PKD1L1: variants seen among roughly 807,000 people sequenced by gnomAD.
The protein encoded by PKD1L1 is polycystin-1-like protein 1.
PKD1L1 carries 236 observed loss-of-function variants against 323.4 expected under a neutral mutation model. The ratio of observed to expected loss-of-function variants is 0.73; its 90% CI spans 0.66 to 0.81. PKD1L1 has a LOEUF of 0.81. PKD1L1 is among the 40% of genes least tolerant of loss of function. PKD1L1 has a pLI of 0.00. For synonymous variants in PKD1L1, 1,344 were observed against 1,335.0 expected, an observed-to-expected ratio of 1.01 and a Z score of -0.15; for missense variants, 3,320 against 3,508.0, an observed-to-expected ratio of 0.95 and a Z score of 1.35.
intron 44 of PKD1L1, among the ~76,000 whole-genome samples, 193 bp from the exon 45 acceptor site, chr7:47,827,661 C>T (rs1269798779): frequency 2.6e-5 from 4 of 152,034 alleles, no homozygotes. Flanking sequence ...GGGGGTAGAC[C>T]CATTTTTAAA....
At chr7:47,830,494 G>T (rs916503022) in intron 42 of PKD1L1, among the ~76,000 whole-genome samples, 2 of 152,212 alleles carry the variant, frequency 1.3e-5, no homozygotes, top group Admixed American at 1.3e-4. Flanking sequence ...GGGCAGGCAT[G>T]ATGCTAACAG....
chr7:47,943,180 A>C (rs1364420932), intron 2 of PKD1L1, among the ~76,000 whole-genome samples: 3 of 99,996 alleles, frequency 3.0e-5, no homozygotes, highest in Non-Finnish European at 5.6e-5. Context: ...ATATATATAT[A>C]TATATATATA....
At chr7:47,852,944 T>C (rs1785813935) in intron 31 of PKD1L1, among the ~76,000 whole-genome samples, 183 bp downstream of exon 31, 1 of 152,062 alleles carries the variant, frequency 6.6e-6, no homozygotes, top group Non-Finnish European at 1.5e-5. Context: ...AGGATGGCGC[T>C]CATCATGGGG....
intron 46 of PKD1L1, chr7:47,819,416 T>A: frequency 3.3e-6 from 2 of 602,030 alleles, no homozygotes; most frequent in Non-Finnish European, 5.0e-6. Context: ...AAATGTGAGA[T>A]GAAAAATAAA....
chr7:47,923,440 T>C (rs1787596628), intron 7 of PKD1L1, among the ~76,000 whole-genome samples: 1 of 151,408 alleles, frequency 6.6e-6, no homozygotes, highest in Non-Finnish European at 1.5e-5. Flanking sequence ...GCAGTGTATA[T>C]GGCTCAGGTG....
Position 47,876,213 on chromosome 7 carries a change from A to G in PKD1L1, c.3668T>C (p.Phe1223Ser). The change falls in exon 23 of 57, where the codon TTC becomes TCC. Residue 1223 changes from phenylalanine (F) to serine (S), a missense_variant. Transcript: ENST00000289672. Reference sequence around the variant, plus strand: ...TATCTGGTAACTAAATTCATAATGGAAGTCCTATGATCCAGTCCAAGGGAG... The same window carrying G: ...TATCTGGTAACTAAATTCATAATGGGAGTCCTATGATCCAGTCCAAGGGAG... ...SVFCMSGKPD[F>S]HYEFSYQIGN... is the part of the protein sequence containing the mutation. 1 of 1,613,992 alleles carries G rather than the reference A, an allele frequency of 6.2e-7. No homozygotes were observed. Among genetic ancestry groups the G allele is most frequent in the Non-Finnish European group, 8.5e-7 (1 of 1,179,878 alleles).
chr7:47,896,964 T>C (rs1456669420), intron 14 of PKD1L1, among the ~76,000 whole-genome samples: 3 of 152,214 alleles, frequency 2.0e-5, no homozygotes, highest in Admixed American at 6.5e-5. Context: ...AAGAAGAGTA[T>C]ACAGCCTGCT....
At chr7:47,934,204 C>T (rs891920033) in intron 4 of PKD1L1, among the ~76,000 whole-genome samples, 20 of 152,228 alleles carry the variant, frequency 1.3e-4, no homozygotes, top group African/African-American at 3.6e-4. Flanking sequence ...GGAAATACTA[C>T]GGAAAATTGC....
chr7:47,953,728 A>G, the PKD1L1 span, among the ~76,000 whole-genome samples: 1 of 152,244 alleles, frequency 6.6e-6, no homozygotes, highest in Non-Finnish European at 1.5e-5. Flanking sequence ...CCAAATTTGA[A>G]CTAGGTGAAG....
At chr7:47,860,272 C>T (rs1785996801) in intron 26 of PKD1L1, among the ~76,000 whole-genome samples, 1 of 152,308 alleles carries the variant, frequency 6.6e-6, no homozygotes, top group Admixed American at 6.5e-5. Flanking sequence ...TGCATCACTG[C>T]TTGTGTTTAT....
At chr7:47,790,611 G>C (rs553857864) in intron 56 of PKD1L1, among the ~76,000 whole-genome samples, 13 of 152,238 alleles carry the variant, frequency 8.5e-5, no homozygotes, top group Admixed American at 7.2e-4. Flanking sequence ...GATTACAGGC[G>C]TGAGTCACCG....
chr7:47,786,600 G>A (rs945940437), intron 56 of PKD1L1, among the ~76,000 whole-genome samples: 4 of 152,220 alleles, frequency 2.6e-5, no homozygotes, highest in Non-Finnish European at 4.4e-5. Flanking sequence ...GAGGTCAGGC[G>A]CTCCCCTCTG....
At chr7:47,786,528 T>G (rs1225751771) in intron 56 of PKD1L1, among the ~76,000 whole-genome samples, 2 of 152,150 alleles carry the variant, frequency 1.3e-5, no homozygotes, top group African/African-American at 4.8e-5. Context: ...GGCAGGTAGG[T>G]GCTAAGGAAT....
At chr7:47,831,072 T>C (rs1785339545) in intron 42 of PKD1L1, 145 bp downstream of exon 42, 2 of 1,134,636 alleles carry the variant, frequency 1.8e-6, no homozygotes, top group East Asian at 2.4e-5. Flanking sequence ...CCCCAGGAGA[T>C]GGGAGGGAGA....
chr7:47,893,383 A>C (rs1786865931), intron 15 of PKD1L1, among the ~76,000 whole-genome samples: 1 of 152,166 alleles, frequency 6.6e-6, no homozygotes, highest in African/African-American at 2.4e-5. Context: ...CACAGCCCAG[A>C]GTCCGGAGAA....
At chr7:47,940,133 T>C in intron 3 of PKD1L1, 60 bp downstream of exon 3, 1 of 1,570,942 alleles carries the variant, frequency 6.4e-7, no homozygotes, top group Non-Finnish European at 8.7e-7. Flanking sequence ...GCTTTTTAGC[T>C]GTACTGTACA....
At chr7:47,792,170 G>A (rs948018534) in intron 56 of PKD1L1, among the ~76,000 whole-genome samples, 1 of 152,140 alleles carries the variant, frequency 6.6e-6, no homozygotes, top group African/African-American at 2.4e-5. Flanking sequence ...GCCTTTGTTG[G>A]CTCCTCCAGA....
intron 28 of PKD1L1, 51 bp from the exon 29 acceptor site, chr7:47,855,316 A>G (rs1562960362): frequency 7.1e-7 from 1 of 1,411,104 alleles, no homozygotes. Flanking sequence ...CAATGGACTT[A>G]AGTGAGAAAA....
At chr7:47,929,062 GCTA>G in intron 7 of PKD1L1, 139 bp downstream of exon 7, 1 of 804,520 alleles carries the variant, frequency 1.2e-6, no homozygotes, top group Non-Finnish European at 2.0e-6. Flanking sequence ...GTGCCACTGA[GCTA>G]CTATTCTTGG....
Sources: gnomAD v4.1 joint callset for allele counts (sites outside exome capture counted in the v4.1 genomes callset) on GRCh38, gnomAD v4.1.1 for gene constraint, MANE v1.5 for transcripts, NCBI Gene and HGNC (gene_info 2026-07-23, HGNC 2026-07-21) for gene names.